Variants in CCDC57 observed in about 807,000 individuals in gnomAD.
CCDC57 encodes the protein coiled-coil domain containing 57, also known as coiled-coil domain-containing protein 57.
In CCDC57, 118 loss-of-function variants were observed where a neutral mutation model predicts 118.9. The observed-to-expected ratio is 0.99, with a 90% confidence interval of 0.86 to 1.16. The LOEUF is 1.16. Among genes scored for constraint, CCDC57 ranks in the 50% most tolerant of loss-of-function variants. CCDC57 has a pLI of 0.00. For synonymous variants in CCDC57, 527 were observed against 532.9 expected (o/e 0.99, Z 0.15); for missense variants, 1,300 against 1,320.7 (o/e 0.98, Z 0.24).
rs1042431237 is a variant in CCDC57, at chr17:82,212,548, G to A, written c.-211+237C>T. Reference sequence around the variant, plus strand: ...CGCCCCAGGTCACCCACGGGAGACCGAGGGAACGCTCCCGCTCCACGCGGC... The same window carrying A: ...CGCCCCAGGTCACCCACGGGAGACCAAGGGAACGCTCCCGCTCCACGCGGC... On this transcript the variant is annotated intron_variant, in intron 1 of 19. Transcript: ENST00000665763. The surrounding 1 kb of genome is among the most constrained non-coding windows in gnomAD (Gnocchi z 4.1). 2.0e-5 allele frequency among the ~76,000 whole-genome samples: 3 copies of A among 152,030 alleles called. No individual in the cohort carries two copies. Among genetic ancestry groups the A allele is most frequent in the Admixed American group, 6.5e-5 (1 of 15,274 alleles).
chr17:82,177,160 A>C (rs1447525615), intron 11 of CCDC57, among the ~76,000 whole-genome samples: 1 of 151,994 alleles, frequency 6.6e-6, no homozygotes, highest in Non-Finnish European at 1.5e-5. Flanking sequence ...CAGGCGAATC[A>C]CCTGGGTCAG....
At chr17:82,137,214 C>T (rs1010342489) in intron 16 of CCDC57, among the ~76,000 whole-genome samples, 1 of 152,040 alleles carries the variant, frequency 6.6e-6, no homozygotes, top group Non-Finnish European at 1.5e-5. Context: ...CAAGGGGTTT[C>T]ACCGTGTTGG....
At chr17:82,206,142 C>T (rs1568499668) in intron 2 of CCDC57, among the ~76,000 whole-genome samples, 2 of 152,258 alleles carry the variant, frequency 1.3e-5, no homozygotes. Context: ...CGTTCACCCT[C>T]TTTCAGGAGA....
At position 82,212,391 on chromosome 17, in the gene CCDC57, T is replaced by TC. The variant is rs55877498; in HGVS notation, c.-211+393dup. Among the ~76,000 whole-genome samples the TC allele has an allele frequency of 4.3e-5, 6 of 137,944 alleles. No individual in the cohort carries two copies. Among genetic ancestry groups the TC allele is most frequent in the Non-Finnish European group, 9.3e-5 (6 of 64,750 alleles). 90.5% of individuals were successfully genotyped at this position (137,944 alleles called of 152,430 possible). A position where few individuals can be genotyped will look rare whatever the true frequency, so the allele number is the denominator to read the frequency against. Reference sequence around the variant, plus strand: ...AACCACCGCCTCCGGCCTTTTTTTTTCCTCTCTTTTTTTTTTTTTTTTTTT... The same window carrying TC: ...AACCACCGCCTCCGGCCTTTTTTTTTCCCTCTCTTTTTTTTTTTTTTTTTTT... On this transcript the variant is annotated intron_variant, in intron 1 of 19. Transcript: ENST00000665763. This position sits in a 1 kb window ranked among gnomAD's most constrained non-coding sequence, Gnocchi z 4.1.
chr17:82,158,765 T>C (rs35585236), intron 14 of CCDC57, among the ~76,000 whole-genome samples: 70,698 of 151,532 alleles, frequency 0.47, 17,289 homozygotes, highest in East Asian at 0.88. Flanking sequence ...AGTTGGTTGC[T>C]TAGGCTGGTC....
At chr17:82,193,937 G>A (rs775853864) in intron 6 of CCDC57, 45 bp downstream of exon 5, 71 of 1,588,184 alleles carry the variant, frequency 4.5e-5, no homozygotes, top group Non-Finnish European at 5.5e-5. Flanking sequence ...CCTGGCCTGC[G>A]AGGCTGCCAC....
intron 2 of CCDC57, among the ~76,000 whole-genome samples, chr17:82,205,579 A>G (rs1037545675): frequency 2.0e-5 from 3 of 152,074 alleles, no homozygotes; most frequent in Non-Finnish European, 4.4e-5. Flanking sequence ...CCAGGTCCCC[A>G]TGCCCCCATC....
chr17:82,209,156 G>A (rs2049998580), intron 1 of CCDC57, among the ~76,000 whole-genome samples: 1 of 152,110 alleles, frequency 6.6e-6, no homozygotes, highest in African/African-American at 2.4e-5. Context: ...TAAGAGAGAT[G>A]GGCAGTAGGT....
exon 2 of CCDC57, chr17:82,208,020 GA>G (rs1293311192): frequency 6.6e-6 from 1 of 152,118 alleles, no homozygotes; most frequent in African/African-American, 2.4e-5. Context: ...CAGAGTAGAG[GA>G]AAAACAGTTT....
chr17:82,114,260 C>T (rs1337544231), intron 19 of CCDC57, among the ~76,000 whole-genome samples: 2 of 152,076 alleles, frequency 1.3e-5, no homozygotes, highest in Non-Finnish European at 2.9e-5. Flanking sequence ...ACGAAATGAA[C>T]GAAAGCCCTG....
At chr17:82,167,151 C>G (rs1189156561) in intron 13 of CCDC57, among the ~76,000 whole-genome samples, 2 of 151,984 alleles carry the variant, frequency 1.3e-5, no homozygotes, top group Admixed American at 6.6e-5. Flanking sequence ...AGGACAATAA[C>G]AAAAGACCAA....
chr17:82,138,811 T>G (rs1235663583), intron 16 of CCDC57, among the ~76,000 whole-genome samples: 7 of 152,200 alleles, frequency 4.6e-5, no homozygotes. Flanking sequence ...GGCGCTTCTC[T>G]TCATTAGAGT....
rs1397475897 is a variant in CCDC57, at chr17:82,192,790, C to G, written c.851+966G>C. ...ACTGCAGATCTGATTAGAAACAGCA[C>G]AGACAGTGTCCTTGAAGTTCTTCTG... On this transcript the variant is annotated intron_variant, in intron 7 of 19. Coordinates refer to ENST00000665763, the Ensembl canonical transcript of CCDC57. This position sits in a 1 kb window ranked among gnomAD's most constrained non-coding sequence, Gnocchi z 4.0. Among the ~76,000 whole-genome samples, 1 of 152,244 alleles carries G rather than the reference C, an allele frequency of 6.6e-6. No homozygotes were observed. The highest frequency in any genetic ancestry group is 2.4e-5 in the African/African-American group (1 of 41,466).
rs905419630 is a variant in CCDC57 at position 82,129,084 on chromosome 17, A to C, written c.2578-487T>G. Among the ~76,000 whole-genome samples the C allele has an allele frequency of 6.6e-5, 10 of 152,134 alleles. No homozygotes were observed. In the East Asian group the frequency reaches 1.9e-3, roughly 29 times the overall value. On this transcript the variant is annotated intron_variant, in intron 17 of 19. Transcript: ENST00000665763. ...CAGGCACCCACCACCATGCCCGGCT[A>C]GTTTTTATATTTTTAGTAGAGACAG... is the stretch of plus-strand genomic sequence containing the variant.
intron 2 of CCDC57, among the ~76,000 whole-genome samples, chr17:82,203,267 G>A (rs190745540): frequency 2.0e-5 from 3 of 152,248 alleles, no homozygotes; most frequent in African/African-American, 4.8e-5. Context: ...ATGAGTAAAA[G>A]TTTCCTGAGG....
rs558117299 is a variant in CCDC57, at chr17:82,164,343, T to G, written c.1883-986A>C. ...TGGCAGTGAGCCAAGATTGTGCCAC[T>G]ACACTCCAGCCTGGGTGACAGAGTG... On this transcript the variant is annotated intron_variant, in intron 13 of 19. Coordinates refer to ENST00000665763, the Ensembl canonical transcript of CCDC57. Among the ~76,000 whole-genome samples, 5 of 152,094 alleles carry G rather than the reference T, an allele frequency of 3.3e-5. No homozygotes were observed. In the East Asian group the frequency reaches 9.6e-4, roughly 29 times the overall value.
At chr17:82,153,129 G>A (rs1001759469) in intron 15 of CCDC57, among the ~76,000 whole-genome samples, 2 of 152,122 alleles carry the variant, frequency 1.3e-5, no homozygotes, top group Admixed American at 1.3e-4. Context: ...CACCACCCTG[G>A]GAGAATAGAC....
intron 9 of CCDC57, among the ~76,000 whole-genome samples, chr17:82,180,649 G>A (rs926544137): frequency 1.3e-5 from 2 of 152,030 alleles, no homozygotes; most frequent in African/African-American, 4.8e-5. Context: ...CTAATTTTTT[G>A]TATTTTTAGT....
intron 13 of CCDC57, among the ~76,000 whole-genome samples, chr17:82,167,472 T>A (rs2044143534): frequency 6.6e-6 from 1 of 151,858 alleles, no homozygotes; most frequent in South Asian, 2.1e-4. Context: ...TGCCTCAGCC[T>A]CCCAAATAGC....
Sources: allele counts gnomAD v4.1 joint callset (sites outside exome capture counted in the v4.1 genomes callset), GRCh38; gene constraint gnomAD v4.1.1; non-coding constraint Gnocchi (gnomAD v3.1); transcripts MANE v1.5; gene names NCBI Gene and HGNC (gene_info 2026-07-23, HGNC 2026-07-21).